Variants in SDR42E2 observed in about 807,000 individuals in gnomAD.
SDR42E2 encodes the protein putative short-chain dehydrogenase/reductase family 42E member 2.
SDR42E2 carries 20 observed loss-of-function variants against 10.5 expected under a neutral mutation model. The observed-to-expected ratio is 1.90, with a 90% CI of 1.34 to 2.77. The LOEUF is 2.77. Among genes scored for constraint, SDR42E2 ranks in the 30% most tolerant of loss-of-function variants. SDR42E2 has a pLI of 0.00. For synonymous variants in SDR42E2, 72 were observed against 39.2 expected (o/e 1.84, Z -3.12); for missense variants, 162 against 104.2 (o/e 1.55, Z -2.42).
chr16:22,169,327 CCTGCCTCTGAACTGAA>C, intron 4 of SDR42E2, 102 bp from the exon 5 acceptor site: 1 of 671,420 alleles, frequency 1.5e-6, no homozygotes, highest in South Asian at 1.6e-5. Context: ...CTTCGGGATC[CCTGCCTCTGAACTGAA>C]CATCCTGCTG....
In SDR42E2 at chr16:22,191,262, G is replaced by C. The variant is rs1455556546; in HGVS notation, c.*869G>C. 1 of 151,996 alleles carries C rather than the reference G, an allele frequency of 6.6e-6. No individual in the cohort carries two copies. The highest frequency in any genetic ancestry group is 1.5e-5 in the Non-Finnish European group (1 of 68,314). The allele number at this position is 151,996 out of a possible 1,614,324, so 9.4% of individuals were successfully genotyped here. ...CCCGCGCGCTTGAGCCCACCCTTTG[G>C]CTTCTCCTTTTGGGTCTGTCCTTGC... On this transcript the variant is annotated 3_prime_UTR_variant, in exon 13 of 13. Coordinates refer to ENST00000602312, the MANE Select transcript of SDR42E2 (RefSeq NM_001394319.2).
In SDR42E2 at chr16:22,169,453, A is replaced by G; in HGVS notation, c.345A>G (p.Lys115=). 4.3e-6 allele frequency: 3 copies of G among 703,574 alleles called. No individual in the cohort carries two copies. Among genetic ancestry groups the G allele is most frequent in the Non-Finnish European group, 5.2e-6 (2 of 385,128 alleles). The allele number at this position is 703,574 out of a possible 1,614,324, so 43.6% of individuals were successfully genotyped here. A position where few individuals can be genotyped will look rare whatever the true frequency, so the allele number is the denominator to read the frequency against. ...YGMSGAEKLQ[K]EQIESINVGG... ...CCTGTCTTGTCTTTTAGCTGCAGAA[A>G]GAGCAGATTGAGTCTATAAATGTTG... The change falls in exon 5 of 13, where the codon AAA becomes AAG. Residue 115 remains lysine, a synonymous_variant. Transcript: ENST00000602312.
intron 8 of SDR42E2, among the ~76,000 whole-genome samples, chr16:22,179,429 G>A (rs148782622): frequency 6.6e-6 from 1 of 152,156 alleles, no homozygotes; most frequent in African/African-American, 2.4e-5. Flanking sequence ...TAGGTTTGAG[G>A]ACAGATCAGT....
chr16:22,175,730 C>T (rs1388518395), intron 7 of SDR42E2, among the ~76,000 whole-genome samples: 2 of 152,030 alleles, frequency 1.3e-5, no homozygotes, highest in Non-Finnish European at 2.9e-5. Flanking sequence ...CAGTGGCTTA[C>T]GCCTGTAATC....
chr16:22,175,367 G>A (rs2046635934), intron 7 of SDR42E2, among the ~76,000 whole-genome samples: 1 of 152,022 alleles, frequency 6.6e-6, no homozygotes, highest in South Asian at 2.1e-4. Flanking sequence ...GGCAGAGGTG[G>A]GAGGATCACC....
Position 22,170,823 on chromosome 16 carries a change from G to A in SDR42E2, c.395-10G>A. ...TGTTTATTTGTTGCTATGTGCACCT[G>A]CTGCTGCAGTCTGTGTTCGCCGGCG... On this transcript the variant is annotated splice_polypyrimidine_tract_variant and intron_variant, in intron 5 of 12. Coordinates refer to ENST00000602312, the MANE Select transcript of SDR42E2 (RefSeq NM_001394319.2). The A allele has an allele frequency of 1.4e-6, 1 of 703,038 alleles. No individual in the cohort carries two copies. Among genetic ancestry groups the A allele is most frequent in the Non-Finnish European group, 2.6e-6 (1 of 384,996 alleles). 43.5% of individuals were successfully genotyped at this position (703,038 alleles called of 1,614,324 possible).
chr16:22,182,000 G>A (rs1405251610), intron 9 of SDR42E2, among the ~76,000 whole-genome samples: 1 of 152,186 alleles, frequency 6.6e-6, no homozygotes, highest in Non-Finnish European at 1.5e-5. Context: ...TGAAGAAACT[G>A]AAGTACAGAG....
intron 10 of SDR42E2, among the ~76,000 whole-genome samples, chr16:22,182,644 G>A (rs1398564741): frequency 2.0e-5 from 3 of 152,270 alleles, no homozygotes; most frequent in South Asian, 2.1e-4. Flanking sequence ...CACTGTGCTC[G>A]GCCTGCGGCC....
At chr16:22,177,620 T>C (rs1258708358) in intron 7 of SDR42E2, among the ~76,000 whole-genome samples, 1 of 150,342 alleles carries the variant, frequency 6.7e-6, no homozygotes, top group Non-Finnish European at 1.5e-5. Context: ...AGAGCAAGAT[T>C]CCATCTCAAA....
At chr16:22,178,009 T>G in intron 7 of SDR42E2, 121 bp from the exon 8 acceptor site, 2 of 593,236 alleles carry the variant, frequency 3.4e-6, no homozygotes, top group Non-Finnish European at 6.1e-6. Context: ...AGGAAGCCCC[T>G]GGGCCGGTCT....
intron 10 of SDR42E2, 146 bp from the exon 11 acceptor site, chr16:22,184,035 G>A (rs1008668428): frequency 5.1e-6 from 2 of 394,302 alleles, no homozygotes; most frequent in African/African-American, 4.1e-5. Context: ...GCACAGGCCT[G>A]GGGTTGGCTG....
intron 7 of SDR42E2, among the ~76,000 whole-genome samples, chr16:22,174,725 C>T (rs1429966615): frequency 1.3e-5 from 2 of 152,086 alleles, no homozygotes; most frequent in Non-Finnish European, 2.9e-5. Flanking sequence ...CCTAATCCTC[C>T]AGCCAAGAAT....
At position 22,182,247 on chromosome 16, in the gene SDR42E2, C is replaced by A; in HGVS notation, c.846C>A (p.Ser282Arg). The part of the protein sequence containing the change: ...GQAYYINDGE[S>R]VNLFEWMAPL... The stretch of plus-strand genomic sequence containing the variant: ...CGTACTACATCAACGATGGGGAGAG[C>A]GTCAACCTCTTTGAGTGGATGGCCC... The change falls in exon 10 of 13, where the codon AGC becomes AGA. Residue 282 changes from serine (S) to arginine (R), a missense_variant. Transcript: ENST00000602312. 2.5e-6 allele frequency: 1 copy of A among 401,790 alleles called. No homozygotes were observed. Among genetic ancestry groups the A allele is most frequent in the Non-Finnish European group, 4.4e-6 (1 of 226,756 alleles). The allele number at this position is 401,790 out of a possible 1,614,324, so 24.9% of individuals were successfully genotyped here.
chr16:22,178,305 C>A, intron 8 of SDR42E2, 93 bp downstream of exon 8: 1 of 644,146 alleles, frequency 1.6e-6, no homozygotes, highest in South Asian at 1.7e-5. Flanking sequence ...GTCGCTGCAT[C>A]AGTCTCGAGG....
At chr16:22,174,943 G>A (rs1251714500) in intron 7 of SDR42E2, among the ~76,000 whole-genome samples, 1 of 152,154 alleles carries the variant, frequency 6.6e-6, no homozygotes, top group African/African-American at 2.4e-5. Context: ...GAGTCCCGCT[G>A]CAGTCACCTG....
At chr16:22,167,029 TAGAC>T (rs2046547577) in intron 4 of SDR42E2, 30 bp downstream of exon 4, 2 of 699,774 alleles carry the variant, frequency 2.9e-6, no homozygotes, top group Non-Finnish European at 5.2e-6. Context: ...CACCTGGAGT[TAGAC>T]AGAGTGGGGT....
rs903235076 is a variant in SDR42E2 at position 22,176,250 on chromosome 16, T to C, written c.590-1880T>C. 3.9e-5 allele frequency among the ~76,000 whole-genome samples: 6 copies of C among 152,064 alleles called. No homozygotes were observed. The South Asian group carries it at 8.3e-4, about 21-fold the overall frequency. On this transcript the variant is annotated intron_variant, in intron 7 of 12. Transcript: ENST00000602312. The stretch of plus-strand genomic sequence containing the variant: ...TCCCCCACCCCAGCCTCCAAGAACA[T>C]TGGGCCTGTAGGTGCACACCATGGT...
intron 12 of SDR42E2, among the ~76,000 whole-genome samples, chr16:22,188,958 G>C (rs772897662): frequency 2.0e-5 from 3 of 152,172 alleles, no homozygotes; most frequent in Non-Finnish European, 4.4e-5. Flanking sequence ...ACTGTAATTA[G>C]AGCCATTCTT....
chr16:22,167,750 A>C (rs1283145455), intron 4 of SDR42E2, among the ~76,000 whole-genome samples: 1 of 152,204 alleles, frequency 6.6e-6, no homozygotes, highest in African/African-American at 2.4e-5. Flanking sequence ...TGTGTTTTAC[A>C]GTCAAATTCT....
Sources: gnomAD v4.1 joint callset for allele counts (sites outside exome capture counted in the v4.1 genomes callset) on GRCh38, gnomAD v4.1.1 for gene constraint, MANE v1.5 for transcripts, NCBI Gene and HGNC (gene_info 2026-07-23, HGNC 2026-07-21) for gene names.